The following SSH2 variants were observed in gnomAD, a reference collection of about 807,000 sequenced individuals.
The protein encoded by SSH2 is protein phosphatase Slingshot homolog 2.
A neutral mutation model predicts 135.2 loss-of-function variants in SSH2; 37 were observed. That is an observed-to-expected ratio of 0.27 (90% CI 0.21 to 0.36). The LOEUF (loss-of-function observed/expected upper bound fraction) is 0.36. Among genes scored for constraint, SSH2 ranks in the 10% least tolerant of loss-of-function variants. The pLI is 1.00. For missense variants in SSH2, 1,408 were observed against 1,765.3 expected (o/e 0.80, Z 3.63); for synonymous variants, 628 against 646.2 (o/e 0.97, Z 0.43).
In SSH2 at chr17:29,631,302, C is replaced by G; in HGVS notation, c.3892G>C (p.Asp1298His). Reference sequence around the variant, plus strand: ...GCAGGCTCCCTCTCTGGTAAGCAGTCTTTACAGAGGTCCAAGTAACCTAAT... The same window carrying G: ...GCAGGCTCCCTCTCTGGTAAGCAGTGTTTACAGAGGTCCAAGTAACCTAAT... ...AKLGYLDLCK[D>H]CLPEREPASC... The change falls in exon 16 of 16, where the codon GAC becomes CAC. Residue 1298 changes from aspartate to histidine, a missense_variant. Asp to His is a moderately conservative substitution (Grantham distance 81). Around this residue, in one of 3 missense-constraint regions of SSH2, gnomAD observed 1,080 missense variants for 1,144.5 expected, o/e 0.94. Coordinates refer to ENST00000540801, the MANE Select transcript of SSH2 (RefSeq NM_001282129.2). 1 of 1,614,162 alleles carries G rather than the reference C, an allele frequency of 6.2e-7. No homozygotes were observed. Among genetic ancestry groups the G allele is most frequent in the Non-Finnish European group, 8.5e-7 (1 of 1,180,038 alleles).
intron 2 of SSH2, among the ~76,000 whole-genome samples, chr17:29,833,636 TG>T (rs2042886648): frequency 2.1e-5 from 3 of 146,220 alleles, no homozygotes; most frequent in Middle Eastern, 3.8e-3. Context: ...ATTTGTTTTC[TG>T]TTTTTTTTTC....
intron 3 of SSH2, among the ~76,000 whole-genome samples, chr17:29,718,206 T>C (rs934007384): frequency 6.6e-6 from 1 of 152,186 alleles, no homozygotes; most frequent in Admixed American, 6.5e-5. Context: ...TCCTTCTATG[T>C]TTCTGACTAT....
chr17:29,906,777 C>T (rs1444090197), intron 1 of SSH2, among the ~76,000 whole-genome samples: 1 of 152,190 alleles, frequency 6.6e-6, no homozygotes, highest in Non-Finnish European at 1.5e-5. Flanking sequence ...CTCAACATCA[C>T]TGATCATTAA....
intron 1 of SSH2, 138 bp downstream of exon 1, chr17:29,929,800 G>C (rs560149491): frequency 1.1e-5 from 8 of 744,660 alleles, no homozygotes; most frequent in African/African-American, 3.5e-5. Context: ...ATGGGGGTGT[G>C]GGGGGGTTCG....
At chr17:29,830,027 G>C (rs1174971229) in intron 2 of SSH2, among the ~76,000 whole-genome samples, 3 of 151,990 alleles carry the variant, frequency 2.0e-5, no homozygotes, top group African/African-American at 7.2e-5. Context: ...TTTTAGTAGA[G>C]ATGGGGTTTC....
chr17:29,712,699 A>C (rs1598858866), intron 3 of SSH2, among the ~76,000 whole-genome samples: 1 of 152,020 alleles, frequency 6.6e-6, no homozygotes, highest in African/African-American at 2.4e-5. Context: ...AGCTACTCGG[A>C]AGGCTGAGGC....
chr17:29,857,057 T>G (rs879323195), intron 1 of SSH2, among the ~76,000 whole-genome samples: 30 of 152,102 alleles, frequency 2.0e-4, no homozygotes, highest in Non-Finnish European at 2.9e-4. Context: ...TGTCCTCACA[T>G]TTCAAAACCA....
intron 1 of SSH2, among the ~76,000 whole-genome samples, chr17:29,901,214 C>T (rs2066546580): frequency 6.6e-6 from 1 of 151,928 alleles, no homozygotes; most frequent in Non-Finnish European, 1.5e-5. Flanking sequence ...ACCAACATGG[C>T]ATATGTATAC....
chr17:29,649,140 CAA>C (rs61278195), intron 13 of SSH2, among the ~76,000 whole-genome samples: 1 of 127,186 alleles, frequency 7.9e-6, no homozygotes, highest in African/African-American at 2.9e-5. Context: ...GACTCTGGCT[CAA>C]AAAAAAAAAA....
intron 6 of SSH2, among the ~76,000 whole-genome samples, chr17:29,683,295 G>A (rs1371070503): frequency 6.6e-6 from 1 of 151,938 alleles, no homozygotes; most frequent in Non-Finnish European, 1.5e-5. Flanking sequence ...AGAAAAAGTG[G>A]GAAAAATAAA....
chr17:29,812,161 CTTTTT>C (rs748811941), intron 2 of SSH2, among the ~76,000 whole-genome samples: 1 of 121,612 alleles, frequency 8.2e-6, no homozygotes, highest in South Asian at 2.7e-4. Flanking sequence ...AGTATGTGTT[CTTTTT>C]TTTTTTTTTT....
chr17:29,751,086 A>G (rs570782743), intron 3 of SSH2, among the ~76,000 whole-genome samples: 1 of 152,186 alleles, frequency 6.6e-6, no homozygotes, highest in South Asian at 2.1e-4. Flanking sequence ...GACCTGCCTG[A>G]GGCAGCTTTA....
chr17:29,749,056 T>C (rs937207135), intron 3 of SSH2, among the ~76,000 whole-genome samples: 2 of 152,186 alleles, frequency 1.3e-5, no homozygotes, highest in Admixed American at 6.5e-5. Flanking sequence ...AAGCAGTCAG[T>C]AAAATTCAAC....
intron 5 of SSH2, among the ~76,000 whole-genome samples, chr17:29,684,932 A>T (rs1021134372): frequency 1.3e-5 from 2 of 152,170 alleles, no homozygotes. Context: ...AAAATAATAC[A>T]GTAAAGCACA....
At chr17:29,691,651 C>T (rs191361555) in intron 5 of SSH2, among the ~76,000 whole-genome samples, 2,134 of 151,760 alleles carry the variant, frequency 0.014, 42 homozygotes, top group Middle Eastern at 0.051. Context: ...CCACCACGCC[C>T]GGCTAATTTT....
intron 3 of SSH2, among the ~76,000 whole-genome samples, chr17:29,770,092 G>GTTTTTTTGTT (rs1567963018): frequency 2.3e-4 from 17 of 72,926 alleles, no homozygotes; most frequent in African/African-American, 7.0e-4. Flanking sequence ...GCTATATTTA[G>GTTTTTTTGTT]TTTTTTTTTT....
intron 1 of SSH2, among the ~76,000 whole-genome samples, chr17:29,867,664 G>A (rs906230802): frequency 6.6e-6 from 1 of 152,170 alleles, no homozygotes; most frequent in Admixed American, 6.5e-5. Context: ...AGCATCCCTT[G>A]AACATTTGTC....
intron 3 of SSH2, among the ~76,000 whole-genome samples, chr17:29,716,903 C>A (rs771829755): frequency 6.6e-6 from 1 of 152,084 alleles, no homozygotes. Flanking sequence ...GACAAAGACC[C>A]CTTTAGCTTA....
intron 3 of SSH2, among the ~76,000 whole-genome samples, chr17:29,770,092 GTTTTTTTTTTTTT>G (rs563803251): frequency 1.5e-4 from 11 of 72,924 alleles, no homozygotes; most frequent in Admixed American, 1.3e-3. Context: ...GCTATATTTA[GTTTTTTTTTTTTT>G]TTTTTTTTTT....
Sources: allele counts gnomAD v4.1 joint callset (sites outside exome capture counted in the v4.1 genomes callset), GRCh38; gene constraint gnomAD v4.1.1; regional missense constraint gnomAD v4.1.1; transcripts MANE v1.5; gene names NCBI Gene and HGNC (gene_info 2026-07-23, HGNC 2026-07-21).